Variants in APOL6 observed in about 807,000 individuals in gnomAD.
The protein encoded by APOL6 is apolipoprotein L6, also known as apolipoprotein L, 6.
A neutral mutation model predicts 2.4 loss-of-function variants in APOL6; 1 was observed. That is an observed-to-expected ratio of 0.41 (90% CI 0.15 to 1.94). The LOEUF (loss-of-function observed/expected upper bound fraction) is 1.94, where lower values mean the gene tolerates loss of function less well. Ranked by LOEUF, APOL6 falls within the 30% of genes most tolerant of loss-of-function variation. The pLI, the probability that APOL6 is intolerant of heterozygous loss-of-function variation, is 0.30. For synonymous variants in APOL6, 189 were observed against 169.3 expected (o/e 1.12, Z -0.90); for missense variants, 438 against 429.2 (o/e 1.02, Z -0.18).
intron 2 of APOL6, among the ~76,000 whole-genome samples, chr22:35,657,588 C>T (rs1037945845): frequency 6.6e-6 from 1 of 152,178 alleles, no homozygotes; most frequent in Admixed American, 6.5e-5. Flanking sequence ...TCAGAGCCCA[C>T]CCAATGCTCC....
rs948191608 is a variant in APOL6 at position 35,663,860 on chromosome 22, G to A, written c.*4264G>A. The A allele has an allele frequency of 2.0e-5, 3 of 152,008 alleles. No homozygotes were observed. Among genetic ancestry groups the A allele is most frequent in the African/African-American group, 7.2e-5 (3 of 41,400 alleles). The allele number at this position is 152,008 out of a possible 1,614,324, so 9.4% of individuals were successfully genotyped here. On this transcript the variant is annotated 3_prime_UTR_variant, in exon 3 of 3. Coordinates refer to ENST00000409652, the MANE Select transcript of APOL6 (RefSeq NM_030641.4). ...TAAGATAGGAAAAAAAAGTGGGGGGGCATTATAAATCTATAAAATGTACTT... is the reference window on the plus strand; with the variant it reads ...TAAGATAGGAAAAAAAAGTGGGGGGACATTATAAATCTATAAAATGTACTT...
chr22:35,667,780 G>A lies in APOL6; in HGVS notation c.*8184G>A, dbSNP rs983763898. The A allele has an allele frequency of 4.6e-5, 7 of 152,168 alleles. No homozygotes were observed. Among genetic ancestry groups the A allele is most frequent in the African/African-American group, 1.7e-4 (7 of 41,438 alleles). 9.4% of individuals were successfully genotyped at this position (152,168 alleles called of 1,614,324 possible). A position where few individuals can be genotyped will look rare whatever the true frequency, so the allele number is the denominator to read the frequency against. ...AGTTTTCCTGTGATTAGTGTTTTTG[G>A]TGTTGTTTTATTTTTTTTCTTACAG... On this transcript the variant is annotated 3_prime_UTR_variant, in exon 3 of 3. Transcript: ENST00000409652.
At chr22:35,653,330 A>T (rs905991601) in intron 1 of APOL6, among the ~76,000 whole-genome samples, 2 of 152,238 alleles carry the variant, frequency 1.3e-5, no homozygotes, top group African/African-American at 2.4e-5. Context: ...ATATACAATC[A>T]TGTCATCTGC....
At chr22:35,649,765 G>T (rs143848746) in intron 1 of APOL6, among the ~76,000 whole-genome samples, 4 of 151,994 alleles carry the variant, frequency 2.6e-5, no homozygotes, top group African/African-American at 9.7e-5. Flanking sequence ...AGGTATTGGC[G>T]GACGCTGGTA....
intron 1 of APOL6, 63 bp from the exon 2 acceptor site, chr22:35,656,316 A>T: frequency 1.5e-6 from 2 of 1,300,056 alleles, no homozygotes; most frequent in Admixed American, 3.4e-5. Context: ...ATCCCTCCAC[A>T]CCTGAATTTC....
intron 1 of APOL6, among the ~76,000 whole-genome samples, chr22:35,652,395 A>G (rs1924721764): frequency 6.6e-6 from 1 of 152,144 alleles, no homozygotes; most frequent in Non-Finnish European, 1.5e-5. Flanking sequence ...GAAACTCTTT[A>G]GTTTAATGAG....
At chr22:35,656,522 A>G (rs1183021312) in intron 2 of APOL6, 47 bp downstream of exon 2, 1 of 1,605,876 alleles carries the variant, frequency 6.2e-7, no homozygotes, top group Non-Finnish European at 8.5e-7. Flanking sequence ...ATTCTGTTGA[A>G]ATGCTGCAGG....
chr22:35,658,755 CAG>C lies in APOL6; in HGVS notation c.193_194del (p.Asp65ArgfsTer3). ...AACATTGACAAGCTCCGTGCCCTCG[CAG>C]ACGATATTGACAAAACCCACAAGAA... On this transcript the variant is annotated frameshift_variant, in exon 3 of 3. Coordinates refer to ENST00000409652, the MANE Select transcript of APOL6 (RefSeq NM_030641.4). LOFTEE classifies it low-confidence loss of function (END_TRUNC). The C allele has an allele frequency of 6.2e-7, 1 of 1,614,168 alleles. No homozygotes were observed. Among genetic ancestry groups the C allele is most frequent in the Non-Finnish European group, 8.5e-7 (1 of 1,180,032 alleles).
At chr22:35,656,098 C>A (rs1424547528) in intron 1 of APOL6, among the ~76,000 whole-genome samples, 1 of 152,152 alleles carries the variant, frequency 6.6e-6, no homozygotes, top group Admixed American at 6.6e-5. Flanking sequence ...TTACATTTGG[C>A]TCAAAATAAT....
At chr22:35,649,265 G>A (rs1005123032) in intron 1 of APOL6, among the ~76,000 whole-genome samples, 1 of 151,892 alleles carries the variant, frequency 6.6e-6, no homozygotes, top group African/African-American at 2.4e-5. Flanking sequence ...GTGAGACCCC[G>A]TCTCTACAAA....
chr22:35,655,275 C>T (rs1336579501), intron 1 of APOL6, among the ~76,000 whole-genome samples: 1 of 152,128 alleles, frequency 6.6e-6, no homozygotes, highest in East Asian at 1.9e-4. Flanking sequence ...TAGCTGAGAA[C>T]TTAGAAGGGC....
rs570610525 is a variant in APOL6 at position 35,662,170 on chromosome 22, G to A, written c.*2574G>A. 6.6e-6 allele frequency: 1 copy of A among 152,140 alleles called. No individual in the cohort carries two copies. Among genetic ancestry groups the A allele is most frequent in the Non-Finnish European group, 1.5e-5 (1 of 68,026 alleles). 9.4% of individuals were successfully genotyped at this position (152,140 alleles called of 1,614,324 possible). A position where few individuals can be genotyped will look rare whatever the true frequency, so the allele number is the denominator to read the frequency against. On this transcript the variant is annotated 3_prime_UTR_variant, in exon 3 of 3. Coordinates refer to ENST00000409652, the MANE Select transcript of APOL6 (RefSeq NM_030641.4). ...AAAATCCCTCCCTGTGCTTTGGAAG[G>A]GAAGGGAGGTGGGCAGCAGTGGGTC...
Position 35,659,267 on chromosome 22 carries a change from G to T in APOL6, c.703G>T (p.Val235Leu). ...ACTGGCGATGACCAAAAATGCTCGCGTGCTGGGAGGTGTGATGTCCGCCTT... is the reference window on the plus strand; with the variant it reads ...ACTGGCGATGACCAAAAATGCTCGCTTGCTGGGAGGTGTGATGTCCGCCTT... ...TTLAMTKNAR[V>L]LGGVMSAFSL... is the part of the protein sequence containing the mutation. The change falls in exon 3 of 3, where the codon GTG (valine) becomes TTG (leucine). Residue 235 changes from valine (V) to leucine (L), a missense_variant. Val to Leu is a conservative substitution (Grantham distance 32). Coordinates refer to ENST00000409652, the MANE Select transcript of APOL6 (RefSeq NM_030641.4). The T allele has an allele frequency of 6.2e-7, 1 of 1,614,180 alleles. No individual in the cohort carries two copies. The highest frequency in any genetic ancestry group is 8.5e-7 in the Non-Finnish European group (1 of 1,180,036).
At position 35,659,636 on chromosome 22, in the gene APOL6, C is replaced by T. The variant is rs1924966189; in HGVS notation, c.*40C>T. On this transcript the variant is annotated 3_prime_UTR_variant, in exon 3 of 3. Transcript: ENST00000409652. ...ATGGCATACAATGGCCTTGGAGGTC[C>T]AAATAATATCAAGTACATCTTGGAG... is the stretch of plus-strand genomic sequence containing the variant. The T allele has an allele frequency of 1.3e-6, 2 of 1,523,340 alleles. No individual in the cohort carries two copies. Among genetic ancestry groups the T allele is most frequent in the South Asian group, 1.3e-5 (1 of 78,976 alleles). 94.4% of individuals were successfully genotyped at this position (1,523,340 alleles called of 1,614,324 possible). A position where few individuals can be genotyped will look rare whatever the true frequency, so the allele number is the denominator to read the frequency against.
In APOL6 at chr22:35,659,102, T is replaced by A. The variant is rs1924935062; in HGVS notation, c.538T>A (p.Tyr180Asn). The A allele has an allele frequency of 6.2e-7, 1 of 1,614,076 alleles. No homozygotes were observed. Among genetic ancestry groups the A allele is most frequent in the Non-Finnish European group, 8.5e-7 (1 of 1,180,036 alleles). Reference sequence around the variant, plus strand: ...CTATAATCTTAGAAACACCTTGAAGTATGCCAAGAAAAACGTCCGTGCATT... The same window carrying A: ...CTATAATCTTAGAAACACCTTGAAGAATGCCAAGAAAAACGTCCGTGCATT... Reference protein sequence around the residue: ...IIYNLRNTLKYAKKNVRAFWK... With the variant: ...IIYNLRNTLKNAKKNVRAFWK... Residue 180 changes from tyrosine (Y) to asparagine (N), a missense_variant, in exon 3 of 3, where the codon TAT becomes AAT. Tyr to Asn is a moderately radical substitution (Grantham distance 143). Transcript: ENST00000409652.
At chr22:35,655,238 T>G (rs1048216568) in intron 1 of APOL6, among the ~76,000 whole-genome samples, 3 of 152,208 alleles carry the variant, frequency 2.0e-5, no homozygotes, top group African/African-American at 7.2e-5. Context: ...TTTTCTCTTA[T>G]GAATCTGTCT....
chr22:35,661,508 A>G lies in APOL6; in HGVS notation c.*1912A>G, dbSNP rs1289692769. ...ATACAAAACTTAGATGGCATAGCCT[A>G]CTGCATACCTAGGCTATATGGGAGA... On this transcript the variant is annotated 3_prime_UTR_variant, in exon 3 of 3. Transcript: ENST00000409652. 3 of 152,178 alleles carry G rather than the reference A, an allele frequency of 2.0e-5. No homozygotes were observed. Among genetic ancestry groups the G allele is most frequent in the African/African-American group, 7.2e-5 (3 of 41,426 alleles). The allele number at this position is 152,178 out of a possible 1,614,324, so 9.4% of individuals were successfully genotyped here.
chr22:35,648,992 G>A (rs950978032), intron 1 of APOL6, among the ~76,000 whole-genome samples: 2 of 152,316 alleles, frequency 1.3e-5, no homozygotes, highest in Admixed American at 6.5e-5. Context: ...TAGAAATTCA[G>A]TAGAGGAGTG....
At position 35,659,667 on chromosome 22, in the gene APOL6, G is replaced by A. The variant is rs1012501328; in HGVS notation, c.*71G>A. 1.3e-6 allele frequency: 2 copies of A among 1,491,882 alleles called. No individual in the cohort carries two copies. Among genetic ancestry groups the A allele is most frequent in the Admixed American group, 2.1e-5 (1 of 46,918 alleles). 92.4% of individuals were successfully genotyped at this position (1,491,882 alleles called of 1,614,324 possible). Reference sequence around the variant, plus strand: ...ATATCAAGTACATCTTGGAGATGAGGGTGCCTGTCCTGGACAGACCTCGGC... The same window carrying A: ...ATATCAAGTACATCTTGGAGATGAGAGTGCCTGTCCTGGACAGACCTCGGC... On this transcript the variant is annotated 3_prime_UTR_variant, in exon 3 of 3. Transcript: ENST00000409652.
Sources: allele counts gnomAD v4.1 joint callset (sites outside exome capture counted in the v4.1 genomes callset), GRCh38; gene constraint gnomAD v4.1.1; transcripts MANE v1.5; gene names NCBI Gene and HGNC (gene_info 2026-07-23, HGNC 2026-07-21).